CENPW: variants seen among roughly 807,000 people sequenced by gnomAD.
CENPW encodes cancer-up-regulated gene 2 protein.
A neutral mutation model predicts 11.1 loss-of-function variants in CENPW; 3 were observed. The observed-to-expected ratio is 0.27, with a 90% CI of 0.12 to 0.70. The LOEUF is 0.70. Ranked by LOEUF, CENPW falls within the 30% of genes least tolerant of loss-of-function variation. The pLI, the probability that CENPW is intolerant of heterozygous loss-of-function variation, is 0.77. For missense variants in CENPW, 100 were observed against 105.6 expected (o/e 0.95, Z 0.23); for synonymous variants, 38 against 42.0 (o/e 0.91, Z 0.37).
At chr6:126,451,599 A>G in the CENPW span, among the ~76,000 whole-genome samples, 99 of 151,198 alleles carry the variant, frequency 6.5e-4, 1 homozygote, top group African/African-American at 2.2e-3. Flanking sequence ...AGAAGCTTCA[A>G]TGGGAACCTG....
chr6:126,382,745 TTAAAA>T, the CENPW span, among the ~76,000 whole-genome samples: 7 of 152,002 alleles, frequency 4.6e-5, no homozygotes, highest in South Asian at 4.2e-4. Flanking sequence ...ATAAAAAAAA[TTAAAA>T]TAATGAATGA....
chr6:126,436,768 A>G, the CENPW span, among the ~76,000 whole-genome samples: 1 of 151,912 alleles, frequency 6.6e-6, no homozygotes, highest in Non-Finnish European at 1.5e-5. Flanking sequence ...AAAATAAATC[A>G]GCTGAATTTT....
At chr6:126,400,663 A>G in the CENPW span, among the ~76,000 whole-genome samples, 2 of 151,984 alleles carry the variant, frequency 1.3e-5, no homozygotes, top group Non-Finnish European at 2.9e-5. Flanking sequence ...TTCTGATTAT[A>G]TATTTATTAA....
At chr6:126,456,855 C>T in the CENPW span, among the ~76,000 whole-genome samples, 1 of 150,766 alleles carries the variant, frequency 6.6e-6, no homozygotes, top group African/African-American at 2.4e-5. Context: ...AATTAACAAG[C>T]AAAAAACAAC....
At chr6:126,431,466 T>C in the CENPW span, among the ~76,000 whole-genome samples, 1 of 152,204 alleles carries the variant, frequency 6.6e-6, no homozygotes, top group African/African-American at 2.4e-5. Context: ...CCTTATTATA[T>C]AGATGAAACC....
At chr6:126,451,089 AAGGGAAT>A in the CENPW span, among the ~76,000 whole-genome samples, 1 of 151,082 alleles carries the variant, frequency 6.6e-6, no homozygotes, top group Non-Finnish European at 1.5e-5. Flanking sequence ...AGCAAATATT[AAGGGAAT>A]AGTGCACCAA....
the CENPW span, among the ~76,000 whole-genome samples, chr6:126,408,134 C>T: frequency 6.6e-6 from 1 of 151,992 alleles, no homozygotes; most frequent in Non-Finnish European, 1.5e-5. Flanking sequence ...TAGCCATATG[C>T]ATAAAGTTGA....
the CENPW span, among the ~76,000 whole-genome samples, chr6:126,460,378 C>T: frequency 6.6e-6 from 1 of 151,646 alleles, no homozygotes; most frequent in Non-Finnish European, 1.5e-5. Flanking sequence ...AGAACTTAGC[C>T]TGAAAATCAC....
the CENPW span, among the ~76,000 whole-genome samples, chr6:126,409,326 T>C: frequency 6.6e-6 from 1 of 152,220 alleles, no homozygotes; most frequent in African/African-American, 2.4e-5. Flanking sequence ...TTGTTGAGAC[T>C]TGTTTTATGA....
chr6:126,378,314 A>G, the CENPW span, among the ~76,000 whole-genome samples: 6 of 152,156 alleles, frequency 3.9e-5, no homozygotes, highest in African/African-American at 1.2e-4. Flanking sequence ...GCACAAGATA[A>G]TCGATCACTT....
the CENPW span, among the ~76,000 whole-genome samples, chr6:126,384,612 C>G: frequency 6.6e-6 from 1 of 152,040 alleles, no homozygotes; most frequent in Non-Finnish European, 1.5e-5. Context: ...TTACACTATA[C>G]AAAAATCAAC....
the CENPW span, among the ~76,000 whole-genome samples, chr6:126,431,073 A>C: frequency 6.6e-6 from 1 of 152,214 alleles, no homozygotes; most frequent in Non-Finnish European, 1.5e-5. Context: ...TAGTCAAGCC[A>C]GGTGAAATCA....
At chr6:126,395,750 A>G in the CENPW span, among the ~76,000 whole-genome samples, 1 of 152,070 alleles carries the variant, frequency 6.6e-6, no homozygotes, top group Non-Finnish European at 1.5e-5. Flanking sequence ...ATCAGGAGGT[A>G]CCCCTAGCCC....
At chr6:126,383,184 A>G in the CENPW span, among the ~76,000 whole-genome samples, 6 of 152,212 alleles carry the variant, frequency 3.9e-5, no homozygotes, top group South Asian at 1.2e-3. Flanking sequence ...TAAGCTTCAT[A>G]AGTGAATGAG....
chr6:126,400,352 C>T, the CENPW span, among the ~76,000 whole-genome samples: 1 of 151,992 alleles, frequency 6.6e-6, no homozygotes, highest in Non-Finnish European at 1.5e-5. Context: ...ATTCATATAT[C>T]TTCTTTTGCG....
At chr6:126,470,147 C>T in the CENPW span, among the ~76,000 whole-genome samples, 3 of 152,230 alleles carry the variant, frequency 2.0e-5, no homozygotes, top group Non-Finnish European at 4.4e-5. Context: ...TTCAAGGCAG[C>T]TCCTCCCATC....
chr6:126,429,048 T>C, the CENPW span, among the ~76,000 whole-genome samples: 23 of 152,352 alleles, frequency 1.5e-4, no homozygotes, highest in African/African-American at 5.3e-4. Flanking sequence ...ATTTTATGTT[T>C]GTACAACAAT....
At chr6:126,396,006 T>TTG in the CENPW span, among the ~76,000 whole-genome samples, 23 of 152,140 alleles carry the variant, frequency 1.5e-4, no homozygotes, top group African/African-American at 4.3e-4. Context: ...CAGCACTGAA[T>TTG]CTCACCCAAG....
the CENPW span, among the ~76,000 whole-genome samples, chr6:126,429,158 T>C: frequency 1.3e-5 from 2 of 152,212 alleles, no homozygotes; most frequent in Admixed American, 6.5e-5. Context: ...TTATATCTTC[T>C]TGTAGGCTAA....
Sources: gnomAD v4.1 joint callset for allele counts (sites outside exome capture counted in the v4.1 genomes callset) on GRCh38, gnomAD v4.1.1 for gene constraint, MANE v1.5 for transcripts, NCBI Gene and HGNC (gene_info 2026-07-23, HGNC 2026-07-21) for gene names.